Variants in SOCS2 observed in about 807,000 individuals in gnomAD.
The protein encoded by SOCS2 is suppressor of cytokine signaling 2, also known as CIS-2.
A neutral mutation model predicts 18.6 loss-of-function variants in SOCS2; 10 were observed. The observed-to-expected ratio is 0.54, with a 90% confidence interval of 0.33 to 0.91. The LOEUF is 0.91. SOCS2 is among the 40% of genes least tolerant of loss of function. The pLI is 0.02. For missense variants in SOCS2, 231 were observed against 247.2 expected, an observed-to-expected ratio of 0.93 and a Z score of 0.44; for synonymous variants, 104 against 104.0, an observed-to-expected ratio of 1.00 and a Z score of 0.00.
At chr12:93,609,732 TG>T in the SOCS2 span, among the ~76,000 whole-genome samples, 1 of 152,218 alleles carries the variant, frequency 6.6e-6, no homozygotes, top group East Asian at 1.9e-4. Context: ...CCTAGGGATC[TG>T]TGGAAATCTC....
chr12:93,572,973 G>C lies in SOCS2; in HGVS notation c.76G>C (p.Ala26Pro). The change falls in exon 1 of 2, where the codon GCG becomes CCG. Residue 26 changes from alanine (A) to proline (P), a missense_variant. Physicochemically the swap from Ala to Pro is conservative, Grantham distance 27. Around this residue, in one of 3 missense-constraint regions of SOCS2, gnomAD observed 106 missense variants for 103.8 expected, o/e 1.02. Transcript: ENST00000551556. The surrounding 1 kb of genome is among the most constrained non-coding windows in gnomAD (Gnocchi z 5.0). ...TRSQWGTAGSAEEPSPQAARL... is the reference protein window; with the variant it reads ...TRSQWGTAGSPEEPSPQAARL... Reference sequence around the variant, plus strand: ...GAGCCAGTGGGGGACCGCGGGGTCGGCGGAGGAGCCATCCCCGCAGGCGGC... The same window carrying C: ...GAGCCAGTGGGGGACCGCGGGGTCGCCGGAGGAGCCATCCCCGCAGGCGGC... 6.4e-7 allele frequency: 1 copy of C among 1,568,190 alleles called. No homozygotes were observed. Among genetic ancestry groups the C allele is most frequent in the Non-Finnish European group, 8.6e-7 (1 of 1,157,156 alleles).
chr12:93,572,993 G>A lies in SOCS2; in HGVS notation c.96G>A (p.Gln32=), dbSNP rs746152402. Residue 32 remains glutamine, a synonymous_variant, in exon 1 of 2, where the codon CAG becomes CAA. Coordinates refer to ENST00000551556, the MANE Select transcript of SOCS2 (RefSeq NM_001270471.2). This position sits in a 1 kb window ranked among gnomAD's most constrained non-coding sequence, Gnocchi z 5.0. ...TAGSAEEPSP[Q]AARLAKALRE... ...GGTCGGCGGAGGAGCCATCCCCGCA[G>A]GCGGCGCGTCTGGCGAAGGCCCTGC... The A allele has an allele frequency of 1.9e-6, 3 of 1,570,630 alleles. No homozygotes were observed. Among genetic ancestry groups the A allele is most frequent in the Non-Finnish European group, 1.7e-6 (2 of 1,159,700 alleles).
chr12:93,624,300 C>T, the SOCS2 span, among the ~76,000 whole-genome samples: 162 of 152,304 alleles, frequency 1.1e-3, 1 homozygote, highest in African/African-American at 3.7e-3. Flanking sequence ...TGGCCAAGCG[C>T]AGTGGCTCAC....
the SOCS2 span, among the ~76,000 whole-genome samples, chr12:93,611,008 G>A: frequency 6.6e-6 from 1 of 151,946 alleles, no homozygotes; most frequent in African/African-American, 2.4e-5. Flanking sequence ...AACTCCACAG[G>A]GTTCCTTACA....
chr12:93,586,055 C>T (rs534875390), downstream of SOCS2, among the ~76,000 whole-genome samples: 20 of 150,566 alleles, frequency 1.3e-4, no homozygotes, highest in South Asian at 4.2e-3. Context: ...GCTTTTTTTT[C>T]CCTCCCCCAA....
At chr12:93,586,909 T>C (rs2136718076), downstream of SOCS2, among the ~76,000 whole-genome samples, 1 of 152,362 alleles carries the variant, frequency 6.6e-6, no homozygotes, top group East Asian at 1.9e-4. Flanking sequence ...GGCTCACACC[T>C]GTAATCCCAG....
chr12:93,572,936 G>A lies in SOCS2; in HGVS notation c.39G>A (p.Gly13=), dbSNP rs769881768. The A allele has an allele frequency of 1.9e-6, 3 of 1,573,126 alleles. No individual in the cohort carries two copies. The highest frequency in any genetic ancestry group is 2.6e-6 in the Non-Finnish European group (3 of 1,158,214). ...LRCLEPSGNG[G]EGTRSQWGTA... is the part of the protein sequence containing the mutation. ...GCCTTGAGCCCTCCGGGAATGGCGG[G>A]GAAGGGACGCGGAGCCAGTGGGGGA... The change falls in exon 1 of 2, where the codon GGG becomes GGA. Residue 13 remains glycine (G), a synonymous_variant. Coordinates refer to ENST00000551556, the MANE Select transcript of SOCS2 (RefSeq NM_001270471.2). The surrounding 1 kb of genome is among the most constrained non-coding windows in gnomAD (Gnocchi z 5.0).
chr12:93,602,867 A>T, the SOCS2 span, among the ~76,000 whole-genome samples: 6 of 152,190 alleles, frequency 3.9e-5, no homozygotes, highest in Non-Finnish European at 7.3e-5. Context: ...GAACTCATAC[A>T]ACTCACAGCC....
chr12:93,597,361 T>C, the SOCS2 span, among the ~76,000 whole-genome samples: 2 of 152,128 alleles, frequency 1.3e-5, no homozygotes, highest in African/African-American at 4.8e-5. Context: ...ACAGTCTTGC[T>C]CTGTTGCCCA....
the SOCS2 span, among the ~76,000 whole-genome samples, chr12:93,616,102 G>C: frequency 3.9e-5 from 6 of 152,220 alleles, no homozygotes. Flanking sequence ...GGCTGGTGCT[G>C]ACTTTACTCC....
At chr12:93,571,778 CG>C (rs1954261584), upstream of SOCS2, 1 of 361,740 alleles carries the variant, frequency 2.8e-6, no homozygotes, top group East Asian at 1.3e-4. Flanking sequence ...TAAACGTTAA[CG>C]GGGGAAACAA....
chr12:93,617,693 TAA>T, the SOCS2 span, among the ~76,000 whole-genome samples: 965 of 145,388 alleles, frequency 6.6e-3, 20 homozygotes, highest in African/African-American at 0.023. Context: ...CATATAAATG[TAA>T]AAAAAAAAAA....
At chr12:93,614,358 T>TTTCC in the SOCS2 span, among the ~76,000 whole-genome samples, 4 of 120,100 alleles carry the variant, frequency 3.3e-5, no homozygotes, top group South Asian at 1.0e-3. Context: ...ATATAGCAAT[T>TTTCC]TTCCTTCTTT....
At chr12:93,614,300 T>C in the SOCS2 span, among the ~76,000 whole-genome samples, 3 of 152,194 alleles carry the variant, frequency 2.0e-5, no homozygotes, top group South Asian at 6.2e-4. Flanking sequence ...TTAGGAATAA[T>C]CTCCTACCCT....
At chr12:93,595,133 G>A in the SOCS2 span, among the ~76,000 whole-genome samples, 1 of 152,032 alleles carries the variant, frequency 6.6e-6, no homozygotes, top group Non-Finnish European at 1.5e-5. Flanking sequence ...AGGGGACGGG[G>A]GGTGATTTTG....
the SOCS2 span, among the ~76,000 whole-genome samples, chr12:93,604,206 C>CA: frequency 0.31 from 46,505 of 151,060 alleles, 7,469 homozygotes; most frequent in African/African-American, 0.43. Flanking sequence ...CAAAACAAAA[C>CA]AAAAAAAACA....
the SOCS2 span, among the ~76,000 whole-genome samples, chr12:93,623,038 C>T: frequency 2.6e-4 from 39 of 152,154 alleles, no homozygotes; most frequent in Admixed American, 5.9e-4. Context: ...TTTACTCTTG[C>T]CTGGATAACC....
rs200763873 is a variant in SOCS2 at position 93,575,011 on chromosome 12, C to G, written c.429C>G (p.Pro143=). The G allele has an allele frequency of 1.2e-6, 2 of 1,614,050 alleles. No homozygotes were observed. The highest frequency in any genetic ancestry group is 1.7e-6 in the Non-Finnish European group (2 of 1,179,976). The stretch of plus-strand genomic sequence containing the variant: ...ATAAGCGGACAGGTCCAGAAGCCCC[C>G]CGGAACGGCACTGTTCACCTTTATC... ...CKDKRTGPEA[P]RNGTVHLYLT... The change falls in exon 2 of 2, where the codon CCC becomes CCG. Residue 143 remains proline (P), a synonymous_variant. Coordinates refer to ENST00000551556, the MANE Select transcript of SOCS2 (RefSeq NM_001270471.2).
chr12:93,615,740 C>A, the SOCS2 span, among the ~76,000 whole-genome samples: 1 of 152,188 alleles, frequency 6.6e-6, no homozygotes, highest in African/African-American at 2.4e-5. Flanking sequence ...GAATTACAGG[C>A]ATGAGCCACC....
Sources: gnomAD v4.1 joint callset for allele counts (sites outside exome capture counted in the v4.1 genomes callset) on GRCh38, gnomAD v4.1.1 for gene constraint, gnomAD v4.1.1 regional missense constraint, Gnocchi (gnomAD v3.1) non-coding constraint, MANE v1.5 for transcripts, NCBI Gene and HGNC (gene_info 2026-07-23, HGNC 2026-07-21) for gene names.